L3MBTL3: variants seen among roughly 807,000 people sequenced by gnomAD.
L3MBTL3 encodes lethal(3)malignant brain tumor-like protein 3.
In L3MBTL3, 27 loss-of-function variants were observed where a neutral mutation model predicts 102.3. The ratio of observed to expected loss-of-function variants is 0.26; its 90% CI spans 0.19 to 0.36. The LOEUF is 0.36. L3MBTL3 is among the 10% of genes least tolerant of loss of function. The pLI is 1.00. For missense variants in L3MBTL3, 798 were observed against 955.3 expected, an observed-to-expected ratio of 0.84 and a Z score of 2.17; for synonymous variants, 340 against 320.9, an observed-to-expected ratio of 1.06 and a Z score of -0.64.
At chr6:130,072,476 C>G (rs1238595342) in intron 13 of L3MBTL3, among the ~76,000 whole-genome samples, 2 of 152,104 alleles carry the variant, frequency 1.3e-5, no homozygotes, top group Admixed American at 1.3e-4. Context: ...GTTTGTTTTT[C>G]CCAGCTTTTT....
At chr6:130,106,978 A>T (rs561319367) in intron 19 of L3MBTL3, among the ~76,000 whole-genome samples, 28 of 152,186 alleles carry the variant, frequency 1.8e-4, no homozygotes, top group Non-Finnish European at 4.0e-4. Flanking sequence ...AAAGTGTCCC[A>T]TTTGATTATT....
At chr6:130,096,396 A>G (rs1784370051) in intron 18 of L3MBTL3, among the ~76,000 whole-genome samples, 1 of 152,252 alleles carries the variant, frequency 6.6e-6, no homozygotes, top group African/African-American at 2.4e-5. Context: ...ATTGGAGCAA[A>G]GAGAATTTGT....
At chr6:130,039,236 C>A (rs1780258163) in intron 2 of L3MBTL3, among the ~76,000 whole-genome samples, 1 of 152,058 alleles carries the variant, frequency 6.6e-6, no homozygotes, top group Non-Finnish European at 1.5e-5. Flanking sequence ...TACATCATTT[C>A]ATCTATTCCT....
intron 9 of L3MBTL3, among the ~76,000 whole-genome samples, chr6:130,059,189 C>T (rs755493587): frequency 6.6e-6 from 1 of 152,170 alleles, no homozygotes; most frequent in Admixed American, 6.5e-5. Context: ...CCCTGCCCCC[C>T]CAGGCACCAG....
At position 130,133,942 on chromosome 6, in the gene L3MBTL3, G is replaced by A. The variant is rs1410854595; in HGVS notation, c.2199+37G>A. On this transcript the variant is annotated intron_variant, in intron 22 of 22. Transcript: ENST00000361794. The surrounding 1 kb of genome is among the most constrained non-coding windows in gnomAD (Gnocchi z 4.9). Reference sequence around the variant, plus strand: ...ACTAAATTGCAATATGTTACTTAATGGGATCAAAGCACTGAAATGCAGTGG... The same window carrying A: ...ACTAAATTGCAATATGTTACTTAATAGGATCAAAGCACTGAAATGCAGTGG... 6.7e-7 allele frequency: 1 copy of A among 1,487,026 alleles called. No homozygotes were observed. Among genetic ancestry groups the A allele is most frequent in the African/African-American group, 1.4e-5 (1 of 72,346 alleles). The allele number at this position is 1,487,026 out of a possible 1,614,324, so 92.1% of individuals were successfully genotyped here.
chr6:130,135,579 A>G (rs1435724077), intron 22 of L3MBTL3, among the ~76,000 whole-genome samples: 2 of 152,136 alleles, frequency 1.3e-5, no homozygotes, highest in East Asian at 1.9e-4. Flanking sequence ...AGTAAGATTC[A>G]AGTTTAAATT....
intron 19 of L3MBTL3, among the ~76,000 whole-genome samples, chr6:130,120,146 TG>T (rs764452586): frequency 6.6e-6 from 1 of 152,318 alleles, no homozygotes; most frequent in South Asian, 2.1e-4. Flanking sequence ...AATTGCAAAA[TG>T]GGGTTTATTG....
At chr6:130,119,414 G>A (rs1785968433) in intron 19 of L3MBTL3, among the ~76,000 whole-genome samples, 1 of 152,066 alleles carries the variant, frequency 6.6e-6, no homozygotes, top group Non-Finnish European at 1.5e-5. Context: ...TTTTAGCATG[G>A]TAAGCTAATT....
At chr6:130,040,376 T>C (rs1780344942) in intron 2 of L3MBTL3, among the ~76,000 whole-genome samples, 1 of 151,926 alleles carries the variant, frequency 6.6e-6, no homozygotes, top group South Asian at 2.1e-4. Context: ...GCACTTTAAA[T>C]GGATCATTTA....
chr6:130,139,931 C>A lies in L3MBTL3; in HGVS notation c.*178C>A, dbSNP rs17633592. 1 of 541,750 alleles carries A rather than the reference C, an allele frequency of 1.8e-6. No individual in the cohort carries two copies. Among genetic ancestry groups the A allele is most frequent in the South Asian group, 2.2e-5 (1 of 45,414 alleles). The allele number at this position is 541,750 out of a possible 1,614,324, so 33.6% of individuals were successfully genotyped here. On this transcript the variant is annotated 3_prime_UTR_variant, in exon 23 of 23. Coordinates refer to ENST00000361794, the MANE Select transcript of L3MBTL3 (RefSeq NM_032438.4). ...ATGAATTCTTATGAAAGTGCTTGAG[C>A]TTTTAACCAGGTACTGTCTAACAAC...
Position 130,055,233 on chromosome 6 carries a change from G to C in L3MBTL3, c.645G>C (p.Gly215=), listed in dbSNP as rs1449505034. 3.7e-6 allele frequency: 6 copies of C among 1,613,290 alleles called. No homozygotes were observed. The highest frequency in any genetic ancestry group is 1.7e-5 in the Admixed American group (1 of 59,940). ...AGAGAGCACGGAGGAAAAGACGAGG[G>C]GATTCGGCTGTACTAAAGCAGGGTG... ...GSQRARRKRR[G]DSAVLKQGLP... The change falls in exon 8 of 23, where the codon GGG becomes GGC. Residue 215 remains glycine, a synonymous_variant. Coordinates refer to ENST00000361794, the MANE Select transcript of L3MBTL3 (RefSeq NM_032438.4).
At chr6:130,058,230 T>C (rs1781655638) in intron 9 of L3MBTL3, among the ~76,000 whole-genome samples, 1 of 151,190 alleles carries the variant, frequency 6.6e-6, no homozygotes, top group South Asian at 2.1e-4. Flanking sequence ...AATGGGTCAC[T>C]ATATTATATT....
At chr6:130,026,485 T>G (rs931726229) in intron 2 of L3MBTL3, among the ~76,000 whole-genome samples, 13 of 152,174 alleles carry the variant, frequency 8.5e-5, no homozygotes, top group African/African-American at 2.9e-4. Flanking sequence ...ATTTCCAGAT[T>G]AAGGTATGTG....
At chr6:130,065,500 G>A (rs1338981591) in intron 10 of L3MBTL3, among the ~76,000 whole-genome samples, 5 of 152,148 alleles carry the variant, frequency 3.3e-5, no homozygotes, top group Non-Finnish European at 5.9e-5. Flanking sequence ...TTCCATGACA[G>A]TAACTGTACA....
At chr6:130,125,733 G>C (rs1470566109) in intron 20 of L3MBTL3, among the ~76,000 whole-genome samples, 1 of 152,134 alleles carries the variant, frequency 6.6e-6, no homozygotes, top group Non-Finnish European at 1.5e-5. Context: ...GCCTGGCTGG[G>C]GTGGCCTGGG....
chr6:130,030,709 C>CACTG (rs571370415), intron 2 of L3MBTL3, among the ~76,000 whole-genome samples: 133 of 147,204 alleles, frequency 9.0e-4, no homozygotes, highest in Admixed American at 3.9e-3. Flanking sequence ...TAAACCCAGG[C>CACTG]ACTGGGGCTC....
rs5880000 is a variant in L3MBTL3 at position 130,135,070 on chromosome 6, C to CTT, written c.2199+1184_2199+1185dup. On this transcript the variant is annotated intron_variant, in intron 22 of 22. Transcript: ENST00000361794. ...CTCTCAATTCATTTTCTGTTTTTTC[C>CTT]TTTTTTTTTTTTTTTTTTTTAAATC... Among the ~76,000 whole-genome samples, 115 of 127,412 alleles carry CTT rather than the reference C, an allele frequency of 9.0e-4. 1 individual carries two copies. Among genetic ancestry groups the CTT allele is most frequent in the African/African-American group, 3.1e-3 (104 of 33,636 alleles). 83.6% of individuals were successfully genotyped at this position (127,412 alleles called of 152,430 possible).
chr6:130,081,423 T>C lies in L3MBTL3; in HGVS notation c.1322-2197T>C, dbSNP rs185100516. ...GAACTATGTTTGCGTATTAACTCCA[T>C]TTTTTTTTTTTTTGAGACGGATTCT... On this transcript the variant is annotated intron_variant, in intron 14 of 22. Coordinates refer to ENST00000361794, the MANE Select transcript of L3MBTL3 (RefSeq NM_032438.4). Among the ~76,000 whole-genome samples the C allele has an allele frequency of 5.5e-3, 362 of 65,266 alleles. 16 individuals carry two copies. The East Asian group carries it at 0.072, about 13-fold the overall frequency. The allele number at this position is 65,266 out of a possible 152,430, so 42.8% of individuals were successfully genotyped here.
At chr6:130,078,087 C>T (rs1036279129) in intron 13 of L3MBTL3, among the ~76,000 whole-genome samples, 1 of 152,068 alleles carries the variant, frequency 6.6e-6, no homozygotes, top group Non-Finnish European at 1.5e-5. Context: ...TGTCTTAATA[C>T]CTGGTCTCTG....
Sources: allele counts gnomAD v4.1 joint callset (sites outside exome capture counted in the v4.1 genomes callset), GRCh38; gene constraint gnomAD v4.1.1; non-coding constraint Gnocchi (gnomAD v3.1); transcripts MANE v1.5; gene names NCBI Gene and HGNC (gene_info 2026-07-23, HGNC 2026-07-21).